SYNDIG1: variants seen among roughly 807,000 people sequenced by gnomAD.
SYNDIG1 encodes synapse differentiation-inducing gene protein 1.
Under a neutral mutation model 19.4 loss-of-function variants are expected in SYNDIG1, and 9 were observed. The observed-to-expected ratio is 0.46, with a 90% CI of 0.28 to 0.81. The LOEUF is 0.81. Ranked by LOEUF, SYNDIG1 falls within the 30% of genes least tolerant of loss-of-function variation. SYNDIG1 has a pLI of 0.12. For missense variants in SYNDIG1, 311 were observed against 343.3 expected (o/e 0.91, Z 0.74); for synonymous variants, 141 against 145.9 (o/e 0.97, Z 0.24).
At chr20:24,602,488 G>T (rs6049809) in intron 3 of SYNDIG1, among the ~76,000 whole-genome samples, 12,657 of 152,146 alleles carry the variant, frequency 0.083, 650 homozygotes, top group South Asian at 0.13. Flanking sequence ...TCATCCTATG[G>T]CTGGTTTACA....
chr20:24,604,052 A>T (rs1486898048), intron 3 of SYNDIG1, among the ~76,000 whole-genome samples: 3 of 152,148 alleles, frequency 2.0e-5, no homozygotes, highest in Admixed American at 2.0e-4. Context: ...ACCAAAACAA[A>T]CAACATTTTC....
intron 1 of SYNDIG1, among the ~76,000 whole-genome samples, chr20:24,500,027 G>T (rs2146368401): frequency 6.6e-6 from 1 of 152,208 alleles, no homozygotes; most frequent in African/African-American, 2.4e-5. Flanking sequence ...TGGCCCAAAG[G>T]TGGGCATCAG....
chr20:24,640,586 T>C (rs1309251462), intron 3 of SYNDIG1, among the ~76,000 whole-genome samples: 1 of 151,836 alleles, frequency 6.6e-6, no homozygotes, highest in Non-Finnish European at 1.5e-5. Flanking sequence ...GTGGCCCCAG[T>C]GTGGGAAGAC....
intron 3 of SYNDIG1, among the ~76,000 whole-genome samples, chr20:24,614,070 T>C (rs909661468): frequency 7.9e-5 from 12 of 152,216 alleles, no homozygotes; most frequent in African/African-American, 2.9e-4. Flanking sequence ...TCACGGCTCA[T>C]AGCAGCCTTG....
chr20:24,561,201 G>C (rs141108405), intron 2 of SYNDIG1, among the ~76,000 whole-genome samples: 2 of 152,118 alleles, frequency 1.3e-5, no homozygotes, highest in African/African-American at 2.4e-5. Flanking sequence ...TTTCAAGTCT[G>C]CTCCAGCCCC....
intron 2 of SYNDIG1, among the ~76,000 whole-genome samples, chr20:24,572,213 C>T (rs1217719665): frequency 6.6e-6 from 1 of 152,216 alleles, no homozygotes; most frequent in Non-Finnish European, 1.5e-5. Flanking sequence ...AGCAGCAGGA[C>T]CTAGACCTAA....
rs534550486 is a variant in SYNDIG1 at position 24,576,573 on chromosome 20, T to A, written c.481-8283T>A. Among the ~76,000 whole-genome samples, 6 of 152,324 alleles carry A rather than the reference T, an allele frequency of 3.9e-5. No individual in the cohort carries two copies. The East Asian group carries it at 9.7e-4, about 25-fold the overall frequency. On this transcript the variant is annotated intron_variant, in intron 2 of 3. Transcript: ENST00000376862. ...AGATCTGCTTTGCCCCTTGTCATGG[T>A]TGACTCCTGAGTTGTGAACTCACAG...
chr20:24,530,556 C>T (rs569001304), intron 1 of SYNDIG1, among the ~76,000 whole-genome samples: 1 of 152,282 alleles, frequency 6.6e-6, no homozygotes, highest in East Asian at 1.9e-4. Flanking sequence ...TTTCTCTATA[C>T]ACTTGGGCCT....
chr20:24,555,115 A>T (rs2057786736), intron 2 of SYNDIG1, among the ~76,000 whole-genome samples: 1 of 151,982 alleles, frequency 6.6e-6, no homozygotes, highest in Non-Finnish European at 1.5e-5. Context: ...GTATTCTCTG[A>T]TGGTAGTTTG....
At chr20:24,470,176 A>C (rs1051321118) in intron 1 of SYNDIG1, among the ~76,000 whole-genome samples, 2 of 152,188 alleles carry the variant, frequency 1.3e-5, no homozygotes, top group Non-Finnish European at 2.9e-5. Context: ...CGGCGGGCCA[A>C]GGCTCTGCGG....
At chr20:24,525,141 A>G (rs1022397421) in intron 1 of SYNDIG1, among the ~76,000 whole-genome samples, 5 of 152,122 alleles carry the variant, frequency 3.3e-5, no homozygotes, top group African/African-American at 1.2e-4. Flanking sequence ...TTTTTGATCA[A>G]ATGGTTATTA....
intron 3 of SYNDIG1, among the ~76,000 whole-genome samples, chr20:24,586,208 G>A (rs190521547): frequency 1.3e-5 from 2 of 152,326 alleles, no homozygotes; most frequent in East Asian, 3.9e-4. Context: ...AGCTTTTGCA[G>A]GCAGGGGTGT....
chr20:24,528,656 C>T (rs1019771428), intron 1 of SYNDIG1, among the ~76,000 whole-genome samples: 1 of 152,204 alleles, frequency 6.6e-6, no homozygotes, highest in Non-Finnish European at 1.5e-5. Flanking sequence ...TGGGCGAGGG[C>T]TTAATCACCT....
In SYNDIG1 at chr20:24,530,173, G is replaced by A. The variant is rs554842508; in HGVS notation, c.-78-12847G>A. ...AAGGGAGTTGGCACAACTTTTAAAAGCAGCAATGGTCTGAATCTGCAGGTT... is the reference window on the plus strand; with the variant it reads ...AAGGGAGTTGGCACAACTTTTAAAAACAGCAATGGTCTGAATCTGCAGGTT... On this transcript the variant is annotated intron_variant, in intron 1 of 3. Transcript: ENST00000376862. Among the ~76,000 whole-genome samples, 24 of 152,192 alleles carry A rather than the reference G, an allele frequency of 1.6e-4. 1 individual carries two copies. Among genetic ancestry groups the A allele is most frequent in the African/African-American group, 5.8e-4 (24 of 41,516 alleles).
intron 3 of SYNDIG1, among the ~76,000 whole-genome samples, chr20:24,657,988 G>A (rs1483728365): frequency 6.6e-6 from 1 of 152,174 alleles, no homozygotes; most frequent in Non-Finnish European, 1.5e-5. Context: ...GATCTCGGGA[G>A]GCAGGTGTCT....
intron 1 of SYNDIG1, among the ~76,000 whole-genome samples, chr20:24,527,603 T>A (rs543514454): frequency 4.6e-5 from 7 of 152,124 alleles, no homozygotes; most frequent in Non-Finnish European, 1.0e-4. Context: ...TGCATGATGA[T>A]CTTTCTCAGC....
At chr20:24,602,593 T>C (rs964041108) in intron 3 of SYNDIG1, among the ~76,000 whole-genome samples, 5 of 152,206 alleles carry the variant, frequency 3.3e-5, no homozygotes, top group African/African-American at 1.2e-4. Context: ...CCTCTTATGG[T>C]CAGCAAACAT....
chr20:24,567,895 A>G (rs527366637), intron 2 of SYNDIG1, among the ~76,000 whole-genome samples: 1 of 152,324 alleles, frequency 6.6e-6, no homozygotes, highest in East Asian at 1.9e-4. Flanking sequence ...GCACTTTGGG[A>G]GGCCAAGACA....
chr20:24,525,320 C>G (rs1395916066), intron 1 of SYNDIG1, among the ~76,000 whole-genome samples: 1 of 122,270 alleles, frequency 8.2e-6, no homozygotes, highest in Non-Finnish European at 1.6e-5. Context: ...GAGACAGAGT[C>G]TTACTCTGTG....
Sources: allele counts gnomAD v4.1 joint callset (sites outside exome capture counted in the v4.1 genomes callset), GRCh38; gene constraint gnomAD v4.1.1; transcripts MANE v1.5; gene names NCBI Gene and HGNC (gene_info 2026-07-23, HGNC 2026-07-21).